The following STKLD1 variants were observed in gnomAD, a reference collection of about 807,000 sequenced individuals.
STKLD1 encodes serine/threonine kinase-like domain-containing protein STKLD1.
A neutral mutation model predicts 80.4 loss-of-function variants in STKLD1; 79 were observed. That is an observed-to-expected ratio of 0.98 (90% CI 0.82 to 1.19). The LOEUF (loss-of-function observed/expected upper bound fraction) is 1.19, where lower values mean the gene tolerates loss of function less well. Ranked by LOEUF, STKLD1 falls within the 50% of genes most tolerant of loss-of-function variation. STKLD1 has a pLI of 0.00. For synonymous variants in STKLD1, 393 were observed against 357.6 expected, an observed-to-expected ratio of 1.10 and a Z score of -1.12; for missense variants, 841 against 856.0, an observed-to-expected ratio of 0.98 and a Z score of 0.22.
intron 9 of STKLD1, among the ~76,000 whole-genome samples, chr9:133,396,927 T>C (rs1554776799): frequency 1.3e-5 from 2 of 152,196 alleles, no homozygotes; most frequent in Non-Finnish European, 2.9e-5. Flanking sequence ...CCCCCAGCTC[T>C]GTGAGCTGAG....
intron 2 of STKLD1, among the ~76,000 whole-genome samples, chr9:133,383,232 T>C (rs1224227989): frequency 6.2e-4 from 90 of 145,868 alleles, no homozygotes; most frequent in African/African-American, 2.2e-3. Context: ...ATGGTGATGA[T>C]AGTGATGATG....
Position 133,390,803 on chromosome 9 carries a change from G to A in STKLD1, c.583+7G>A, listed in dbSNP as rs2130287444. The A allele has an allele frequency of 6.2e-7, 1 of 1,610,082 alleles. No individual in the cohort carries two copies. The highest frequency in any genetic ancestry group is 1.1e-5 in the South Asian group (1 of 91,020). Reference sequence around the variant, plus strand: ...AATATTCGTGCGGAGGAAGGTGGCAGGGGCTCCCCCAGGTTGTGGGAGAGG... The same window carrying A: ...AATATTCGTGCGGAGGAAGGTGGCAAGGGCTCCCCCAGGTTGTGGGAGAGG... On this transcript the variant is annotated splice_region_variant and intron_variant, in intron 7 of 17. Transcript: ENST00000371957. This position sits in a 1 kb window ranked among gnomAD's most constrained non-coding sequence, Gnocchi z 5.1.
chr9:133,397,849 C>A, intron 10 of STKLD1, 123 bp from the exon 11 acceptor site: 1 of 737,998 alleles, frequency 1.4e-6, no homozygotes, highest in Non-Finnish European at 2.2e-6. Flanking sequence ...CCCTCTCATC[C>A]TGAACCTGTG....
At chr9:133,378,199 G>A (rs1838047748) in intron 1 of STKLD1, among the ~76,000 whole-genome samples, 1 of 152,198 alleles carries the variant, frequency 6.6e-6, no homozygotes, top group Non-Finnish European at 1.5e-5. Flanking sequence ...AATATCCAGT[G>A]TCATGAGCAG....
At chr9:133,377,593 G>T (rs1838019775) in intron 1 of STKLD1, among the ~76,000 whole-genome samples, 1 of 152,150 alleles carries the variant, frequency 6.6e-6, no homozygotes, top group African/African-American at 2.4e-5. Context: ...AACCCAGGAG[G>T]CAGAGGTTGT....
chr9:133,402,872 CCA>C lies in STKLD1; in HGVS notation c.1340-3_1340-2del. The C allele has an allele frequency of 1.9e-6, 3 of 1,595,942 alleles. No homozygotes were observed. Among genetic ancestry groups the C allele is most frequent in the South Asian group, 1.1e-5 (1 of 87,908 alleles). On this transcript the variant is annotated splice_polypyrimidine_tract_variant and splice_region_variant and intron_variant, in intron 13 of 17. Transcript: ENST00000371957. ...CCCTGGGGCCCTCATTCTGGCTCAC[CCA>C]CAGAGTCAGAGTCACTGTCAGAGGA...
At chr9:133,387,699 G>A in intron 5 of STKLD1, 151 bp downstream of exon 5, 3 of 711,698 alleles carry the variant, frequency 4.2e-6, no homozygotes, top group Middle Eastern at 4.6e-4. Context: ...TTGCACTCTA[G>A]GTAATGTGTG....
chr9:133,390,634 C>T lies in STKLD1; in HGVS notation c.468-47C>T, dbSNP rs2130286840. On this transcript the variant is annotated intron_variant, in intron 6 of 17. Transcript: ENST00000371957. The surrounding 1 kb of genome is among the most constrained non-coding windows in gnomAD (Gnocchi z 5.1). ...CCTGGGGTTGTGGGTGGTGGCTGCC[C>T]AGGTGGCCCCTTGGCATCCAGAGGC... is the stretch of plus-strand genomic sequence containing the variant. 6.9e-7 allele frequency: 1 copy of T among 1,453,440 alleles called. No individual in the cohort carries two copies. The allele number at this position is 1,453,440 out of a possible 1,614,324, so 90.0% of individuals were successfully genotyped here. A position where few individuals can be genotyped will look rare whatever the true frequency, so the allele number is the denominator to read the frequency against.
chr9:133,403,577 C>T, intron 14 of STKLD1, 123 bp from the exon 15 acceptor site: 1 of 1,285,284 alleles, frequency 7.8e-7, no homozygotes, highest in South Asian at 1.5e-5. Context: ...GGACAGTTGA[C>T]CTTTCCCACC....
rs1353951862 is a variant in STKLD1 at position 133,390,810 on chromosome 9, C to T, written c.583+14C>T. 6.2e-6 allele frequency: 10 copies of T among 1,604,734 alleles called. No homozygotes were observed. The highest frequency in any genetic ancestry group is 8.5e-6 in the Non-Finnish European group (10 of 1,173,476). On this transcript the variant is annotated intron_variant, in intron 7 of 17. Coordinates refer to ENST00000371957, the MANE Select transcript of STKLD1 (RefSeq NM_153710.5). The surrounding 1 kb of genome is among the most constrained non-coding windows in gnomAD (Gnocchi z 5.1). ...GTGCGGAGGAAGGTGGCAGGGGCTC[C>T]CCCAGGTTGTGGGAGAGGGGGTTGG...
At chr9:133,386,196 G>T (rs1838262833) in intron 4 of STKLD1, among the ~76,000 whole-genome samples, 1 of 152,200 alleles carries the variant, frequency 6.6e-6, no homozygotes, top group South Asian at 2.1e-4. Context: ...TGGGATTAGA[G>T]GCGTGAGCCA....
chr9:133,394,458 C>T lies in STKLD1; in HGVS notation c.702+49C>T. On this transcript the variant is annotated intron_variant, in intron 8 of 17. Coordinates refer to ENST00000371957, the MANE Select transcript of STKLD1 (RefSeq NM_153710.5). The surrounding 1 kb of genome is among the most constrained non-coding windows in gnomAD (Gnocchi z 4.9). Reference sequence around the variant, plus strand: ...ACCCCACATGCTGTTCCCCACGCGCCCAGGCCTGGGGAAAAGGCTTGGCCT... The same window carrying T: ...ACCCCACATGCTGTTCCCCACGCGCTCAGGCCTGGGGAAAAGGCTTGGCCT... 1.4e-6 allele frequency: 2 copies of T among 1,396,712 alleles called. No homozygotes were observed. The highest frequency in any genetic ancestry group is 1.2e-5 in the South Asian group (1 of 86,822). The allele number at this position is 1,396,712 out of a possible 1,614,324, so 86.5% of individuals were successfully genotyped here.
chr9:133,383,294 G>GGTGATGGTGGTGATGGTGATGGCAGTGA (rs1374172249), intron 2 of STKLD1, among the ~76,000 whole-genome samples: 2 of 920 alleles, frequency 2.2e-3, no homozygotes, highest in African/African-American at 4.5e-3. Flanking sequence ...GTGTGATGAT[G>GGTGATGGTGGTGATGGTGATGGCAGTGA]TGATGGTGGT....
At chr9:133,377,631 C>T (rs1838021246) in intron 1 of STKLD1, among the ~76,000 whole-genome samples, 1 of 151,972 alleles carries the variant, frequency 6.6e-6, no homozygotes, top group Admixed American at 6.5e-5. Flanking sequence ...CCATTGGACT[C>T]CAGCCTGGGC....
In STKLD1 at chr9:133,390,805, G is replaced by A; in HGVS notation, c.583+9G>A. The A allele has an allele frequency of 6.2e-7, 1 of 1,608,236 alleles. No individual in the cohort carries two copies. Among genetic ancestry groups the A allele is most frequent in the South Asian group, 1.1e-5 (1 of 91,006 alleles). On this transcript the variant is annotated intron_variant, in intron 7 of 17. Transcript: ENST00000371957. This position sits in a 1 kb window ranked among gnomAD's most constrained non-coding sequence, Gnocchi z 5.1. ...TATTCGTGCGGAGGAAGGTGGCAGGGGCTCCCCCAGGTTGTGGGAGAGGGG... is the reference window on the plus strand; with the variant it reads ...TATTCGTGCGGAGGAAGGTGGCAGGAGCTCCCCCAGGTTGTGGGAGAGGGG...
chr9:133,384,084 A>T lies in STKLD1; in HGVS notation c.219+184A>T. 1 of 604,868 alleles carries T rather than the reference A, an allele frequency of 1.7e-6. No individual in the cohort carries two copies. The allele number at this position is 604,868 out of a possible 1,614,324, so 37.5% of individuals were successfully genotyped here. Reference sequence around the variant, plus strand: ...GGTCATGAAGGGAGTCCATGCCCCAAACACTCACTGCTAAATGCAGGTGCC... The same window carrying T: ...GGTCATGAAGGGAGTCCATGCCCCATACACTCACTGCTAAATGCAGGTGCC... On this transcript the variant is annotated intron_variant, in intron 3 of 17. Coordinates refer to ENST00000371957, the MANE Select transcript of STKLD1 (RefSeq NM_153710.5). This position sits in a 1 kb window ranked among gnomAD's most constrained non-coding sequence, Gnocchi z 4.3.
chr9:133,397,030 A>C, intron 9 of STKLD1, 134 bp from the exon 10 acceptor site: 1 of 1,323,042 alleles, frequency 7.6e-7, no homozygotes, highest in Non-Finnish European at 1.0e-6. Context: ...TGCCAAATGA[A>C]TCCCAAAACA....
chr9:133,394,637 AGACCATCC>A lies in STKLD1; in HGVS notation c.702+229_702+236del. 1.9e-6 allele frequency: 1 copy of A among 535,130 alleles called. No homozygotes were observed. The highest frequency in any genetic ancestry group is 3.4e-6 in the Non-Finnish European group (1 of 297,948). 33.1% of individuals were successfully genotyped at this position (535,130 alleles called of 1,614,324 possible). ...GATAATGACAGCAGTGGTAATATTC[AGACCATCC>A]CACGCGACCCTCGCAGCAGCCCTCC... On this transcript the variant is annotated intron_variant, in intron 8 of 17. Coordinates refer to ENST00000371957, the MANE Select transcript of STKLD1 (RefSeq NM_153710.5). The surrounding 1 kb of genome is among the most constrained non-coding windows in gnomAD (Gnocchi z 4.9).
Position 133,389,490 on chromosome 9 carries a change from C to A in STKLD1, c.397-36C>A, listed in dbSNP as rs1250354414. ...ACCCCCCTGAAAGCAGCACAGGGTG[C>A]CCCTCCCATCCTGGCACCCCCTACT... On this transcript the variant is annotated intron_variant, in intron 5 of 17. Coordinates refer to ENST00000371957, the MANE Select transcript of STKLD1 (RefSeq NM_153710.5). This position sits in a 1 kb window ranked among gnomAD's most constrained non-coding sequence, Gnocchi z 6.4. The A allele has an allele frequency of 2.0e-5, 32 of 1,608,992 alleles. No homozygotes were observed. Among genetic ancestry groups the A allele is most frequent in the Non-Finnish European group, 2.5e-5 (29 of 1,178,204 alleles).
Sources: gnomAD v4.1 joint callset for allele counts (sites outside exome capture counted in the v4.1 genomes callset) on GRCh38, gnomAD v4.1.1 for gene constraint, Gnocchi (gnomAD v3.1) non-coding constraint, MANE v1.5 for transcripts, NCBI Gene and HGNC (gene_info 2026-07-23, HGNC 2026-07-21) for gene names.